The following CDYL2 variants were observed in gnomAD, a reference collection of about 807,000 sequenced individuals.
The protein encoded by CDYL2 is chromodomain Y like 2, also known as chromodomain Y-like protein 2.
In CDYL2, 23 loss-of-function variants were observed where a neutral mutation model predicts 49.4. That is an observed-to-expected ratio of 0.47 (90% confidence interval 0.34 to 0.66). CDYL2 has a LOEUF of 0.66. Ranked by LOEUF, CDYL2 falls within the 30% of genes least tolerant of loss-of-function variation. The probability of loss-of-function intolerance (pLI) is 0.01; values close to 1 mark genes in which losing one functional copy is unlikely to be tolerated. For synonymous variants in CDYL2, 360 were observed against 268.8 expected, an observed-to-expected ratio of 1.34 and a Z score of -3.32; for missense variants, 678 against 656.4, an observed-to-expected ratio of 1.03 and a Z score of -0.36.
At chr16:80,650,100 A>C (rs1186654429) in intron 2 of CDYL2, among the ~76,000 whole-genome samples, 1 of 152,200 alleles carries the variant, frequency 6.6e-6, no homozygotes, top group Admixed American at 6.5e-5. Context: ...CAGGCAACCA[A>C]AGCAAAAATG....
In CDYL2 at chr16:80,648,522, A is replaced by C. The variant is rs532205868; in HGVS notation, c.617-15286T>G. 3.9e-5 allele frequency among the ~76,000 whole-genome samples: 6 copies of C among 152,188 alleles called. No individual in the cohort carries two copies. In the South Asian group the frequency reaches 1.2e-3, roughly 32 times the overall value. On this transcript the variant is annotated intron_variant, in intron 2 of 6. Transcript: ENST00000570137. ...AGCCATAATAAAAAGTCTCCCAGTA[A>C]AGAAAAGTCTGGGACCCAATGTCTT...
chr16:80,620,504 C>A (rs1342451945), intron 4 of CDYL2, among the ~76,000 whole-genome samples: 2 of 152,164 alleles, frequency 1.3e-5, no homozygotes, highest in African/African-American at 4.8e-5. Flanking sequence ...TGGGATCTAA[C>A]CTAGAGGGCA....
At chr16:80,725,167 AACACATACACAT>A (rs112801144) in intron 1 of CDYL2, among the ~76,000 whole-genome samples, 11 of 151,174 alleles carry the variant, frequency 7.3e-5, no homozygotes, top group East Asian at 1.9e-4. Context: ...ACACCTGTGC[AACACATACACAT>A]ACACATACAC....
intron 2 of CDYL2, among the ~76,000 whole-genome samples, chr16:80,634,065 C>T (rs1261127831): frequency 6.7e-6 from 1 of 150,300 alleles, no homozygotes; most frequent in Non-Finnish European, 1.5e-5. Flanking sequence ...AAAACACTTC[C>T]CAAATACCTC....
At chr16:80,630,217 C>T (rs1473061539) in intron 3 of CDYL2, among the ~76,000 whole-genome samples, 1 of 152,198 alleles carries the variant, frequency 6.6e-6, no homozygotes, top group Non-Finnish European at 1.5e-5. Context: ...GACTGTTTTC[C>T]TCCTGTTCTG....
At chr16:80,797,582 G>A (rs1023442136) in intron 1 of CDYL2, among the ~76,000 whole-genome samples, 1 of 151,850 alleles carries the variant, frequency 6.6e-6, no homozygotes, top group Non-Finnish European at 1.5e-5. Context: ...AGCATACCTG[G>A]TACTCTCAGA....
intron 1 of CDYL2, among the ~76,000 whole-genome samples, chr16:80,723,760 C>T (rs1463091911): frequency 1.3e-5 from 2 of 152,060 alleles, no homozygotes; most frequent in East Asian, 3.9e-4. Context: ...GTGACAGAGA[C>T]CAAATGACCT....
At chr16:80,720,288 C>T (rs987735901) in intron 1 of CDYL2, among the ~76,000 whole-genome samples, 1 of 152,182 alleles carries the variant, frequency 6.6e-6, no homozygotes, top group African/African-American at 2.4e-5. Flanking sequence ...GTCATCGGCA[C>T]TCTAAATGCC....
At chr16:80,616,322 G>C (rs1433432288) in intron 4 of CDYL2, among the ~76,000 whole-genome samples, 1 of 152,164 alleles carries the variant, frequency 6.6e-6, no homozygotes, top group Non-Finnish European at 1.5e-5. Flanking sequence ...GCCCAGTGCT[G>C]ACATGCAGGG....
In CDYL2 at chr16:80,665,505, T is replaced by TAAAAAAAA. The variant is rs35248259; in HGVS notation, c.616+19025_616+19032dup. Among the ~76,000 whole-genome samples, 225 of 121,610 alleles carry TAAAAAAAA rather than the reference T, an allele frequency of 1.9e-3. 1 individual carries two copies. Among genetic ancestry groups the TAAAAAAAA allele is most frequent in the African/African-American group, 6.9e-3 (209 of 30,302 alleles). The allele number at this position is 121,610 out of a possible 152,430, so 79.8% of individuals were successfully genotyped here. The stretch of plus-strand genomic sequence containing the variant: ...AAAAAGTAATTGAGGTTTTTGCCAT[T>TAAAAAAAA]AAAAAAAAAAAAAAAAAAAAATAGC... On this transcript the variant is annotated intron_variant, in intron 2 of 6. Transcript: ENST00000570137.
At chr16:80,724,412 A>G (rs1905100972) in intron 1 of CDYL2, among the ~76,000 whole-genome samples, 1 of 152,082 alleles carries the variant, frequency 6.6e-6, no homozygotes, top group African/African-American at 2.4e-5. Flanking sequence ...TCTTTTTTCT[A>G]TGCCATTAAG....
chr16:80,702,215 CACAA>C (rs925406045), intron 1 of CDYL2, among the ~76,000 whole-genome samples: 2 of 151,218 alleles, frequency 1.3e-5, no homozygotes, highest in African/African-American at 4.9e-5. Context: ...CACACACACA[CACAA>C]AACTATAAAA....
chr16:80,784,372 A>T (rs572605246), intron 1 of CDYL2, among the ~76,000 whole-genome samples: 24 of 152,284 alleles, frequency 1.6e-4, no homozygotes, highest in African/African-American at 4.8e-4. Context: ...TATTATTTTT[A>T]AAAAATATTT....
intron 1 of CDYL2, among the ~76,000 whole-genome samples, chr16:80,685,538 G>A (rs1335053489): frequency 6.6e-6 from 1 of 152,156 alleles, no homozygotes; most frequent in Non-Finnish European, 1.5e-5. Flanking sequence ...TTTATAATAA[G>A]TAACATTTAT....
At chr16:80,702,183 AACACACACACACACACACAC>A (rs35071485) in intron 1 of CDYL2, among the ~76,000 whole-genome samples, 5 of 142,772 alleles carry the variant, frequency 3.5e-5, no homozygotes, top group African/African-American at 1.3e-4. Context: ...GAAGGCCTAA[AACACACACACACACACACAC>A]ACACACACAC....
chr16:80,796,290 C>G (rs1370419410), intron 1 of CDYL2, among the ~76,000 whole-genome samples: 1 of 152,168 alleles, frequency 6.6e-6, no homozygotes, highest in Non-Finnish European at 1.5e-5. Flanking sequence ...GATAATCTCC[C>G]TTATTAAGTC....
At chr16:80,684,353 C>A (rs1910088653) in intron 2 of CDYL2, among the ~76,000 whole-genome samples, 185 bp downstream of exon 2, 1 of 152,112 alleles carries the variant, frequency 6.6e-6, no homozygotes, top group African/African-American at 2.4e-5. Flanking sequence ...GCATGAGGGT[C>A]TGTAACCAAC....
At chr16:80,711,737 C>T (rs1597092374) in intron 1 of CDYL2, among the ~76,000 whole-genome samples, 1 of 151,694 alleles carries the variant, frequency 6.6e-6, no homozygotes, top group African/African-American at 2.4e-5. Context: ...CCCTAAGAGG[C>T]GCTTAATAAA....
chr16:80,709,187 C>A (rs535830378), intron 1 of CDYL2, among the ~76,000 whole-genome samples: 9 of 152,178 alleles, frequency 5.9e-5, no homozygotes, highest in African/African-American at 2.2e-4. Flanking sequence ...ATCAAGACCA[C>A]CCTGGCCAAC....
Sources: gnomAD v4.1 joint callset for allele counts (sites outside exome capture counted in the v4.1 genomes callset) on GRCh38, gnomAD v4.1.1 for gene constraint, MANE v1.5 for transcripts, NCBI Gene and HGNC (gene_info 2026-07-23, HGNC 2026-07-21) for gene names.